Variants in GALNTL6 observed in about 807,000 individuals in gnomAD.
The protein encoded by GALNTL6 is polypeptide N-acetylgalactosaminyltransferase like 6.
A neutral mutation model predicts 73.7 loss-of-function variants in GALNTL6; 46 were observed. The ratio of observed to expected loss-of-function variants is 0.62; its 90% CI spans 0.49 to 0.80. GALNTL6 has a LOEUF of 0.80. Among genes scored for constraint, GALNTL6 ranks in the 30% least tolerant of loss-of-function variants. The pLI is 0.00. For missense variants in GALNTL6, 604 were observed against 755.0 expected, an observed-to-expected ratio of 0.80 and a Z score of 2.34; for synonymous variants, 259 against 263.7, an observed-to-expected ratio of 0.98 and a Z score of 0.17.
At chr4:172,243,485 G>C (rs1737521116) in intron 3 of GALNTL6, among the ~76,000 whole-genome samples, 1 of 152,104 alleles carries the variant, frequency 6.6e-6, no homozygotes, top group African/African-American at 2.4e-5. Context: ...AGATGGTCTT[G>C]AATCATTTGA....
At chr4:172,121,983 A>G (rs1437193781) in intron 2 of GALNTL6, among the ~76,000 whole-genome samples, 2 of 150,912 alleles carry the variant, frequency 1.3e-5, no homozygotes, top group Admixed American at 6.6e-5. Flanking sequence ...CACGTGGCCT[A>G]TTTTCTTACT....
intron 2 of GALNTL6, among the ~76,000 whole-genome samples, chr4:172,198,893 G>A (rs568689395): frequency 4.1e-4 from 63 of 151,970 alleles, no homozygotes; most frequent in Middle Eastern, 3.4e-3. Context: ...TTAAATTTTG[G>A]CTATTTAGTA....
intron 2 of GALNTL6, among the ~76,000 whole-genome samples, chr4:171,911,921 G>A (rs1231141046): frequency 6.6e-6 from 1 of 151,958 alleles, no homozygotes; most frequent in Non-Finnish European, 1.5e-5. Flanking sequence ...TTAATTATTG[G>A]TAATTGGAGA....
intron 2 of GALNTL6, among the ~76,000 whole-genome samples, chr4:172,044,918 T>C (rs868573375): frequency 3.3e-5 from 5 of 152,078 alleles, no homozygotes; most frequent in African/African-American, 1.2e-4. Flanking sequence ...TTACTTTTTC[T>C]ATACAATATA....
intron 10 of GALNTL6, among the ~76,000 whole-genome samples, chr4:173,000,966 A>G (rs1752019372): frequency 6.6e-6 from 1 of 152,204 alleles, no homozygotes; most frequent in East Asian, 1.9e-4. Context: ...GTAATTAATT[A>G]AGATGAGATT....
intron 5 of GALNTL6, among the ~76,000 whole-genome samples, chr4:172,350,093 CG>C (rs1741891434): frequency 6.6e-6 from 1 of 151,994 alleles, no homozygotes; most frequent in African/African-American, 2.4e-5. Flanking sequence ...GTTAATAAAA[CG>C]TTGACTTCAA....
chr4:171,881,755 A>G (rs1736458130), intron 2 of GALNTL6, among the ~76,000 whole-genome samples: 1 of 152,234 alleles, frequency 6.6e-6, no homozygotes, highest in Admixed American at 6.5e-5. Context: ...TACTAAACTT[A>G]GTAGTGGTCT....
intron 10 of GALNTL6, among the ~76,000 whole-genome samples, chr4:172,953,888 A>C (rs1370339379): frequency 6.6e-6 from 1 of 152,206 alleles, no homozygotes; most frequent in Non-Finnish European, 1.5e-5. Flanking sequence ...TCTACCACAG[A>C]CTCAATTCAC....
intron 2 of GALNTL6, among the ~76,000 whole-genome samples, chr4:171,978,338 C>T (rs945190170): frequency 6.6e-6 from 1 of 152,116 alleles, no homozygotes; most frequent in Non-Finnish European, 1.5e-5. Context: ...GTGATGTTCT[C>T]ATTGGGTGAG....
intron 9 of GALNTL6, among the ~76,000 whole-genome samples, chr4:172,948,521 C>T (rs1290377139): frequency 1.3e-5 from 2 of 150,862 alleles, no homozygotes. Flanking sequence ...GGTGTGATCT[C>T]GGCTCACTGC....
At position 172,511,525 on chromosome 4, in the gene GALNTL6, C is replaced by T. The variant is rs530323292; in HGVS notation, c.553+162836C>T. On this transcript the variant is annotated intron_variant, in intron 5 of 12. Transcript: ENST00000506823. ...GTTTCTCCAGTTCCTTGATGTGTGACCTTAGATTGTCTATTTGTGCTCTTT... is the reference window on the plus strand; with the variant it reads ...GTTTCTCCAGTTCCTTGATGTGTGATCTTAGATTGTCTATTTGTGCTCTTT... Among the ~76,000 whole-genome samples, 108 of 54,462 alleles carry T rather than the reference C, an allele frequency of 2.0e-3. 42 individuals are homozygous for T. The highest frequency in any genetic ancestry group is 4.2e-3 in the African/African-American group (92 of 21,886). 35.7% of individuals were successfully genotyped at this position (54,462 alleles called of 152,430 possible). A position where few individuals can be genotyped will look rare whatever the true frequency, so the allele number is the denominator to read the frequency against.
rs3083398 is a variant in GALNTL6 at position 172,503,526 on chromosome 4, G to GTA, written c.553+154859_553+154860dup. Among the ~76,000 whole-genome samples the GTA allele has an allele frequency of 1.0e-3, 89 of 85,954 alleles. 3 individuals are homozygous for GTA. Among genetic ancestry groups the GTA allele is most frequent in the African/African-American group, 2.6e-3 (63 of 24,104 alleles). 56.4% of individuals were successfully genotyped at this position (85,954 alleles called of 152,430 possible). A position where few individuals can be genotyped will look rare whatever the true frequency, so the allele number is the denominator to read the frequency against. ...CTAGTTTGAACATGTACATAGAGTA[G>GTA]TATATATATATATATATATATATGT... On this transcript the variant is annotated intron_variant, in intron 5 of 12. Coordinates refer to ENST00000506823, the MANE Select transcript of GALNTL6 (RefSeq NM_001034845.3).
At chr4:172,292,672 CAT>C (rs1334091892) in intron 3 of GALNTL6, among the ~76,000 whole-genome samples, 3 of 152,004 alleles carry the variant, frequency 2.0e-5, no homozygotes, top group Non-Finnish European at 2.9e-5. Flanking sequence ...TTTTATAAAA[CAT>C]AGCTGAAAGT....
chr4:172,187,122 G>A (rs1735439018), intron 2 of GALNTL6, among the ~76,000 whole-genome samples: 1 of 151,912 alleles, frequency 6.6e-6, no homozygotes, highest in African/African-American at 2.4e-5. Context: ...TTACAAAATT[G>A]TAAAGTTTAA....
At chr4:172,463,537 C>T (rs964211164) in intron 5 of GALNTL6, among the ~76,000 whole-genome samples, 5 of 152,124 alleles carry the variant, frequency 3.3e-5, no homozygotes, top group African/African-American at 1.2e-4. Flanking sequence ...CATGTATTCA[C>T]CTGCTCTATG....
intron 2 of GALNTL6, among the ~76,000 whole-genome samples, chr4:172,138,569 G>A (rs1248502003): frequency 1.9e-5 from 2 of 103,372 alleles, no homozygotes; most frequent in Non-Finnish European, 3.6e-5. Flanking sequence ...TCGCTCTGTC[G>A]CTCAGGCTAG....
chr4:171,833,371 C>A (rs1438508124), intron 2 of GALNTL6, among the ~76,000 whole-genome samples: 2 of 151,658 alleles, frequency 1.3e-5, no homozygotes, highest in South Asian at 4.2e-4. Context: ...GTTAAGCACA[C>A]TTTATGTTTA....
chr4:172,376,425 C>T (rs755241457), intron 5 of GALNTL6, among the ~76,000 whole-genome samples: 5 of 152,126 alleles, frequency 3.3e-5, no homozygotes, highest in Non-Finnish European at 7.3e-5. Context: ...AGCTGAATGG[C>T]TTTCCTCTCT....
At chr4:172,483,477 TCTTTGTAGTGGC>T (rs1733565139) in intron 5 of GALNTL6, among the ~76,000 whole-genome samples, 1 of 151,946 alleles carries the variant, frequency 6.6e-6, no homozygotes. Flanking sequence ...CATAAATGAG[TCTTTGTAGTGGC>T]CTTTGTGATT....
Sources: allele counts gnomAD v4.1 joint callset (sites outside exome capture counted in the v4.1 genomes callset), GRCh38; gene constraint gnomAD v4.1.1; transcripts MANE v1.5; gene names NCBI Gene and HGNC (gene_info 2026-07-23, HGNC 2026-07-21).